DSCC1: variants seen among roughly 807,000 people sequenced by gnomAD.
The protein encoded by DSCC1 is DNA replication and sister chromatid cohesion 1, also known as sister chromatid cohesion protein DCC1.
Under a neutral mutation model 48.2 loss-of-function variants are expected in DSCC1, and 32 were observed. That is an observed-to-expected ratio of 0.66 (90% CI 0.50 to 0.89). DSCC1 has a LOEUF of 0.89. Among genes scored for constraint, DSCC1 ranks in the 40% least tolerant of loss-of-function variants. DSCC1 has a pLI of 0.00. For synonymous variants in DSCC1, 150 were observed against 171.5 expected, an observed-to-expected ratio of 0.87 and a Z score of 0.98; for missense variants, 421 against 471.7, an observed-to-expected ratio of 0.89 and a Z score of 1.00.
chr8:119,841,114 C>T (rs1459465606), intron 7 of DSCC1, among the ~76,000 whole-genome samples: 1 of 151,748 alleles, frequency 6.6e-6, no homozygotes, highest in Non-Finnish European at 1.5e-5. Context: ...GCCTCAGTCT[C>T]CCGAGTAACT....
chr8:119,855,502 C>T (rs1381517538), intron 1 of DSCC1, 112 bp downstream of exon 1: 2 of 1,385,504 alleles, frequency 1.4e-6, no homozygotes, highest in Admixed American at 2.8e-5. Context: ...TGCTATGAGC[C>T]CCCGGCCAGG....
chr8:119,850,805 C>T (rs1443411433), intron 2 of DSCC1, among the ~76,000 whole-genome samples: 2 of 152,046 alleles, frequency 1.3e-5, no homozygotes, highest in Non-Finnish European at 2.9e-5. Context: ...GAAAAAATGA[C>T]AGGATGGTGA....
chr8:119,847,529 C>A (rs1358243925), intron 3 of DSCC1, among the ~76,000 whole-genome samples: 1 of 152,118 alleles, frequency 6.6e-6, no homozygotes, highest in Non-Finnish European at 1.5e-5. Flanking sequence ...GATTGTTGAA[C>A]AAGTACAGAG....
At position 119,843,767 on chromosome 8, in the gene DSCC1, T is replaced by A. The variant is rs762350200; in HGVS notation, c.578-20A>T. 1.3e-6 allele frequency: 2 copies of A among 1,595,740 alleles called. No individual in the cohort carries two copies. Among genetic ancestry groups the A allele is most frequent in the African/African-American group, 2.7e-5 (2 of 73,512 alleles). On this transcript the variant is annotated intron_variant, in intron 4 of 8. Coordinates refer to ENST00000313655, the MANE Select transcript of DSCC1 (RefSeq NM_024094.3). ...AATAACCTACAAATTTCAAAAGTTA[T>A]ATTTACCAAAGAACTTTTTTTTTTT...
Position 119,855,841 on chromosome 8 carries a change from G to A in DSCC1, c.-46C>T, listed in dbSNP as rs1377521890. 1 of 1,414,898 alleles carries A rather than the reference G, an allele frequency of 7.1e-7. No individual in the cohort carries two copies. The highest frequency in any genetic ancestry group is 9.2e-7 in the Non-Finnish European group (1 of 1,084,178). The allele number at this position is 1,414,898 out of a possible 1,614,324, so 87.6% of individuals were successfully genotyped here. On this transcript the variant is annotated 5_prime_UTR_variant, in exon 1 of 9. Transcript: ENST00000313655. ...TCCCGCCGCGCCCGGGTGGCTGCGG[G>A]CTTGGCGGGCAAGAAAGAAGTTCCC...
Position 119,834,838 on chromosome 8 carries a change from C to G in DSCC1, c.*55G>C, listed in dbSNP as rs1055133. 0.55 allele frequency: 647,116 copies of G among 1,180,706 alleles called. 179,722 individuals are homozygous for G. Among genetic ancestry groups the G allele is most frequent in the Middle Eastern group, 0.67 (3,107 of 4,626 alleles). The allele number at this position is 1,180,706 out of a possible 1,614,324, so 73.1% of individuals were successfully genotyped here. A position where few individuals can be genotyped will look rare whatever the true frequency, so the allele number is the denominator to read the frequency against. On this transcript the variant is annotated 3_prime_UTR_variant, in exon 9 of 9. Transcript: ENST00000313655. The stretch of plus-strand genomic sequence containing the variant: ...AATAAAAGTACAAGTTATTTTTCTT[C>G]TATCCAGCAACTTTATAAAGCAACT...
intron 1 of DSCC1, among the ~76,000 whole-genome samples, chr8:119,854,158 G>A (rs1826983225): frequency 6.6e-6 from 1 of 152,158 alleles, no homozygotes; most frequent in African/African-American, 2.4e-5. Context: ...GCACCATCAT[G>A]CAGAGAGCCG....
chr8:119,850,000 A>G (rs1013636921), intron 3 of DSCC1, among the ~76,000 whole-genome samples: 38 of 152,284 alleles, frequency 2.5e-4, no homozygotes, highest in African/African-American at 7.9e-4. Flanking sequence ...ATCTAGTCAT[A>G]ATTTTAATTA....
In DSCC1 at chr8:119,855,858, G is replaced by A. The variant is rs1267634950; in HGVS notation, c.-63C>T. On this transcript the variant is annotated 5_prime_UTR_variant, in exon 1 of 9. Coordinates refer to ENST00000313655, the MANE Select transcript of DSCC1 (RefSeq NM_024094.3). The stretch of plus-strand genomic sequence containing the variant: ...GGCTGCGGGCTTGGCGGGCAAGAAA[G>A]AAGTTCCCAAGCAGCCGGAAGGTAG... The A allele has an allele frequency of 3.6e-6, 5 of 1,406,064 alleles. No homozygotes were observed. The highest frequency in any genetic ancestry group is 9.3e-7 in the Non-Finnish European group (1 of 1,079,650). 87.1% of individuals were successfully genotyped at this position (1,406,064 alleles called of 1,614,324 possible).
intron 6 of DSCC1, 133 bp from the exon 7 acceptor site, chr8:119,842,081 C>A (rs564018989): frequency 1.0e-5 from 10 of 979,596 alleles, no homozygotes; most frequent in South Asian, 9.2e-5. Context: ...CCCCATAGTT[C>A]GTTTTTTTTT....
intron 2 of DSCC1, among the ~76,000 whole-genome samples, chr8:119,850,886 AAAAC>A (rs1826934406): frequency 2.0e-5 from 3 of 152,182 alleles, no homozygotes; most frequent in Non-Finnish European, 2.9e-5. Flanking sequence ...AACAAACAAA[AAAAC>A]AAAACAGAGA....
intron 4 of DSCC1, among the ~76,000 whole-genome samples, 198 bp from the exon 5 acceptor site, chr8:119,843,945 T>C (rs997328007): frequency 6.6e-6 from 1 of 151,988 alleles, no homozygotes; most frequent in African/African-American, 2.4e-5. Flanking sequence ...CCTGGCTAAT[T>C]TTTGTATTTT....
chr8:119,846,920 A>AT, intron 4 of DSCC1, 70 bp downstream of exon 4: 1 of 1,360,888 alleles, frequency 7.3e-7, no homozygotes, highest in Non-Finnish European at 1.0e-6. Flanking sequence ...TAGGGTGAAG[A>AT]TGTCCAAAAA....
At chr8:119,850,634 G>C in intron 2 of DSCC1, 118 bp from the exon 3 acceptor site, 1 of 892,000 alleles carries the variant, frequency 1.1e-6, no homozygotes, top group East Asian at 3.0e-5. Flanking sequence ...AAGGTATTCT[G>C]CTTTGTATCA....
At chr8:119,843,804 C>A in intron 4 of DSCC1, 57 bp from the exon 5 acceptor site, 7 of 1,540,212 alleles carry the variant, frequency 4.5e-6, no homozygotes, top group Admixed American at 1.9e-5. Flanking sequence ...AAGGCAGGGT[C>A]TCAACTCTGT....
chr8:119,846,882 A>G, intron 4 of DSCC1, 108 bp downstream of exon 4: 1 of 1,088,382 alleles, frequency 9.2e-7, no homozygotes, highest in Non-Finnish European at 1.3e-6. Context: ...CCTTAAACCC[A>G]AAAGAATATT....
intron 4 of DSCC1, 42 bp downstream of exon 4, chr8:119,846,948 G>T: frequency 1.3e-6 from 2 of 1,567,184 alleles, no homozygotes; most frequent in Non-Finnish European, 1.8e-6. Flanking sequence ...CCCTTATGAT[G>T]CCCAATTTCA....
At position 119,843,589 on chromosome 8, in the gene DSCC1, CAAG is replaced by C; in HGVS notation, c.716+17_716+19del. 6.3e-7 allele frequency: 1 copy of C among 1,595,932 alleles called. No individual in the cohort carries two copies. Among genetic ancestry groups the C allele is most frequent in the South Asian group, 1.2e-5 (1 of 86,744 alleles). ...TTCCCCTTAAGGAAATCTGGATAGACAAGAAATTAAAATACTTACTCTGGCTCC... is the reference window on the plus strand; with the variant it reads ...TTCCCCTTAAGGAAATCTGGATAGACAAATTAAAATACTTACTCTGGCTCC... On this transcript the variant is annotated intron_variant, in intron 5 of 8. Transcript: ENST00000313655.
rs763444115 is a variant in DSCC1 at position 119,834,887 on chromosome 8, GTTCTT to G, written c.*1_*5del. The G allele has an allele frequency of 1.9e-6, 3 of 1,564,336 alleles. No homozygotes were observed. The highest frequency in any genetic ancestry group is 2.6e-6 in the Non-Finnish European group (3 of 1,139,594). On this transcript the variant is annotated 3_prime_UTR_variant, in exon 9 of 9. Transcript: ENST00000313655. ...CTTGAGTCCTGAAGAAAAGACCGTT[GTTCTT>G]TTAAGAAATGGGTCTTCTCGAATTA... is the stretch of plus-strand genomic sequence containing the variant.
Sources: gnomAD v4.1 joint callset for allele counts (sites outside exome capture counted in the v4.1 genomes callset) on GRCh38, gnomAD v4.1.1 for gene constraint, MANE v1.5 for transcripts, NCBI Gene and HGNC (gene_info 2026-07-23, HGNC 2026-07-21) for gene names.